The following EYA2 variants were observed in gnomAD, a reference collection of about 807,000 sequenced individuals.
EYA2 encodes the protein EYA transcriptional coactivator and phosphatase 2, also known as protein phosphatase EYA2.
Under a neutral mutation model 69.2 loss-of-function variants are expected in EYA2, and 31 were observed. That is an observed-to-expected ratio of 0.45 (90% CI 0.34 to 0.60). The LOEUF (loss-of-function observed/expected upper bound fraction) is 0.60. Among genes scored for constraint, EYA2 ranks in the 20% least tolerant of loss-of-function variants. The probability of loss-of-function intolerance (pLI) is 0.02; values close to 1 mark genes in which losing one functional copy is unlikely to be tolerated. For synonymous variants in EYA2, 257 were observed against 279.4 expected (o/e 0.92, Z 0.80); for missense variants, 622 against 701.2 (o/e 0.89, Z 1.28).
intron 1 of EYA2, among the ~76,000 whole-genome samples, chr20:46,966,826 C>CT (rs35930260): frequency 0.35 from 52,396 of 149,998 alleles, 10,654 homozygotes; most frequent in Non-Finnish European, 0.46. Flanking sequence ...AAAAAAAAAA[C>CT]TGTGAAACAG....
intron 9 of EYA2, among the ~76,000 whole-genome samples, chr20:47,107,129 T>G (rs550268055): frequency 6.6e-6 from 1 of 152,296 alleles, no homozygotes; most frequent in East Asian, 1.9e-4. Context: ...TGTACTGTTC[T>G]AGGCCCTGGG....
intron 9 of EYA2, among the ~76,000 whole-genome samples, chr20:47,114,622 A>G (rs1443484744): frequency 1.3e-5 from 2 of 152,166 alleles, no homozygotes; most frequent in African/African-American, 4.8e-5. Flanking sequence ...TCAAATAATA[A>G]TAATAATAAT....
At chr20:47,163,474 G>T (rs1037496262) in intron 10 of EYA2, among the ~76,000 whole-genome samples, 11 of 152,144 alleles carry the variant, frequency 7.2e-5, no homozygotes, top group African/African-American at 2.6e-4. Context: ...CGAGGCAGGG[G>T]GGTCATCTGA....
At chr20:47,056,065 T>C (rs2030595925) in intron 5 of EYA2, among the ~76,000 whole-genome samples, 1 of 152,232 alleles carries the variant, frequency 6.6e-6, no homozygotes, top group Non-Finnish European at 1.5e-5. Context: ...GGCATGCGGA[T>C]TGTTTTATTA....
intron 9 of EYA2, among the ~76,000 whole-genome samples, chr20:47,128,565 CT>C (rs986716497): frequency 4.2e-4 from 63 of 151,606 alleles, no homozygotes; most frequent in African/African-American, 1.4e-3. Flanking sequence ...CTGCCCTAAG[CT>C]TTTTTTTCCT....
chr20:46,951,857 C>T (rs1205517187), intron 1 of EYA2, among the ~76,000 whole-genome samples: 1 of 152,138 alleles, frequency 6.6e-6, no homozygotes. Context: ...AACAGGGTTC[C>T]CAGAGAAATA....
At chr20:47,036,870 G>C (rs1438210212) in intron 5 of EYA2, among the ~76,000 whole-genome samples, 1 of 152,176 alleles carries the variant, frequency 6.6e-6, no homozygotes, top group Non-Finnish European at 1.5e-5. Context: ...CAGGCAAGGG[G>C]CTTTGTTTTT....
chr20:47,081,795 AAGAAAGAAAAAAAGAGAGAGAGAG>A (rs2031730180), intron 7 of EYA2, among the ~76,000 whole-genome samples: 2 of 149,864 alleles, frequency 1.3e-5, no homozygotes, highest in South Asian at 2.1e-4. Context: ...AAAAAAAAAG[AAGAAAGAAAAAAAGAGAGAGAGAG>A]AGAAAGAAAA....
At chr20:47,106,434 A>T (rs1488653743) in intron 9 of EYA2, among the ~76,000 whole-genome samples, 2 of 152,296 alleles carry the variant, frequency 1.3e-5, no homozygotes, top group South Asian at 2.1e-4. Context: ...AACGCAATGG[A>T]ATTCCTACTT....
In EYA2 at chr20:47,183,285, G is replaced by A. The variant is rs369287996; in HGVS notation, c.1436-6G>A. 6.0e-5 allele frequency: 97 copies of A among 1,613,470 alleles called. 1 individual carries two copies. The East Asian group carries it at 1.0e-3, about 17-fold the overall frequency. ...CGTTTTTTCTTTCCTTCCTGTGTGC[G>A]TGCAGGGAAGGAGAGCTGCTTCGAG... On this transcript the variant is annotated splice_region_variant and splice_polypyrimidine_tract_variant and intron_variant, in intron 14 of 15. Transcript: ENST00000327619.
chr20:47,063,275 CTA>C (rs938988249), intron 5 of EYA2, among the ~76,000 whole-genome samples: 2 of 152,042 alleles, frequency 1.3e-5, no homozygotes, highest in Non-Finnish European at 2.9e-5. Context: ...TCTCTGTAGA[CTA>C]TCTTATTCTG....
At chr20:47,036,064 A>G (rs2146406103) in intron 5 of EYA2, among the ~76,000 whole-genome samples, 1 of 152,274 alleles carries the variant, frequency 6.6e-6, no homozygotes, top group Admixed American at 6.5e-5. Flanking sequence ...GGGACCACGG[A>G]CCAGGCTGAG....
chr20:47,103,667 C>G (rs1476539548), intron 9 of EYA2, among the ~76,000 whole-genome samples: 1 of 151,860 alleles, frequency 6.6e-6, no homozygotes, highest in Admixed American at 6.6e-5. Context: ...GACAACCCAC[C>G]CACCCACCAC....
intron 10 of EYA2, among the ~76,000 whole-genome samples, chr20:47,164,785 C>T (rs2034146993): frequency 6.6e-6 from 1 of 152,014 alleles, no homozygotes; most frequent in Non-Finnish European, 1.5e-5. Context: ...AGAACAAGAA[C>T]AAGAAGAGAA....
chr20:46,935,661 T>TAGTA lies in EYA2; in HGVS notation c.-11+40675_-11+40678dup, dbSNP rs372580528. On this transcript the variant is annotated intron_variant, in intron 1 of 15. Transcript: ENST00000327619. ...TCATGGGAAAAAATGGGGCTAATAT[T>TAGTA]AGTACCTGCTTACAGGGCTGTTATA... 6.2e-3 allele frequency among the ~76,000 whole-genome samples: 937 copies of TAGTA among 152,196 alleles called. 15 individuals are homozygous for TAGTA. The highest frequency in any genetic ancestry group is 0.021 in the African/African-American group (875 of 41,502).
chr20:46,945,021 G>A (rs548888603), intron 1 of EYA2, among the ~76,000 whole-genome samples: 3 of 151,980 alleles, frequency 2.0e-5, no homozygotes, highest in South Asian at 2.1e-4. Context: ...GGAGGATCAC[G>A]TGAGCCTGGG....
chr20:46,932,402 C>T (rs987771791), intron 1 of EYA2, among the ~76,000 whole-genome samples: 3 of 152,176 alleles, frequency 2.0e-5, no homozygotes, highest in Non-Finnish European at 2.9e-5. Context: ...TAAACCCCAG[C>T]TCTGTTAGAT....
In EYA2 at chr20:47,094,081, G is replaced by A. The variant is rs1250900312; in HGVS notation, c.805-3004G>A. 2.0e-5 allele frequency among the ~76,000 whole-genome samples: 3 copies of A among 152,328 alleles called. No homozygotes were observed. The South Asian group carries it at 6.2e-4, about 32-fold the overall frequency. ...CTGCACCATGATGGCCTAGGGAATA[G>A]GGTCACCTGCAGAATGGCCACCAGG... On this transcript the variant is annotated intron_variant, in intron 8 of 15. Coordinates refer to ENST00000327619, the MANE Select transcript of EYA2 (RefSeq NM_005244.5).
chr20:47,090,539 CT>C (rs990206207), intron 8 of EYA2, among the ~76,000 whole-genome samples: 77 of 144,966 alleles, frequency 5.3e-4, no homozygotes, highest in Middle Eastern at 7.2e-3. Context: ...CATGCCCGGA[CT>C]TTTTTTTTTT....
Sources: allele counts gnomAD v4.1 joint callset (sites outside exome capture counted in the v4.1 genomes callset), GRCh38; gene constraint gnomAD v4.1.1; transcripts MANE v1.5; gene names NCBI Gene and HGNC (gene_info 2026-07-23, HGNC 2026-07-21).